The following TET3 variants were observed in gnomAD, a reference collection of about 807,000 sequenced individuals.
TET3 encodes tet methylcytosine dioxygenase 3, also known as methylcytosine dioxygenase TET3.
TET3 carries 19 observed loss-of-function variants against 141.4 expected under a neutral mutation model. The ratio of observed to expected loss-of-function variants is 0.13; its 90% CI spans 0.09 to 0.20. TET3 has a LOEUF of 0.20. TET3 is among the 10% of genes least tolerant of loss of function. The pLI is 1.00. For synonymous variants in TET3, 1,043 were observed against 980.9 expected, an observed-to-expected ratio of 1.06 and a Z score of -1.18; for missense variants, 1,874 against 2,356.9, an observed-to-expected ratio of 0.80 and a Z score of 4.24.
At chr2:73,991,923 G>GGGC (rs1327120092) in intron 2 of TET3, among the ~76,000 whole-genome samples, 2 of 152,086 alleles carry the variant, frequency 1.3e-5, no homozygotes, top group Non-Finnish European at 2.9e-5. Context: ...GTGGCTGTAT[G>GGGC]GGCTGTTCTC....
intron 3 of TET3, among the ~76,000 whole-genome samples, chr2:74,024,764 C>T (rs560170609): frequency 8.5e-5 from 13 of 152,268 alleles, no homozygotes; most frequent in African/African-American, 3.1e-4. Flanking sequence ...AAACATCACT[C>T]TTTTAAAAAA....
chr2:74,043,699 G>A (rs1024381683), intron 3 of TET3, among the ~76,000 whole-genome samples: 41 of 152,188 alleles, frequency 2.7e-4, no homozygotes, highest in African/African-American at 9.7e-4. Flanking sequence ...AGGGTCTTTT[G>A]TGGCCAGAAT....
At chr2:74,109,751 T>C (rs1691658938), downstream of TET3, among the ~76,000 whole-genome samples, 1 of 152,224 alleles carries the variant, frequency 6.6e-6, no homozygotes, top group Non-Finnish European at 1.5e-5. Context: ...TAGAGCATCA[T>C]TATTCATATT....
Position 74,102,863 on chromosome 2 carries a change from G to C in TET3, c.*687G>C, listed in dbSNP as rs1232242686. On this transcript the variant is annotated 3_prime_UTR_variant, in exon 12 of 12. Transcript: ENST00000409262. ...GGAGAGTCTGCAGAAAACCATCTGG[G>C]GTCCCTTTTCCAGTCCCCGGCTTGG... 2 of 152,190 alleles carry C rather than the reference G, an allele frequency of 1.3e-5. No individual in the cohort carries two copies. The highest frequency in any genetic ancestry group is 2.9e-5 in the Non-Finnish European group (2 of 68,068). The allele number at this position is 152,190 out of a possible 1,614,324, so 9.4% of individuals were successfully genotyped here.
the TET3 span, among the ~76,000 whole-genome samples, chr2:74,133,933 C>T: frequency 1.3e-5 from 2 of 151,978 alleles, no homozygotes; most frequent in South Asian, 2.1e-4. Flanking sequence ...TCAGTAGAGA[C>T]GGGGTTTCAC....
chr2:74,046,985 C>A lies in TET3; in HGVS notation c.1068C>A (p.Thr356=). 6.2e-7 allele frequency: 1 copy of A among 1,614,006 alleles called. No homozygotes were observed. ...AGGAAAAAAACATCAGCTTGCAGAC[C>A]GCCATTGCCATTGAGGCCCTCACAC... ...IAKEKNISLQ[T]AIAIEALTQL... The change falls in exon 4 of 12, where the codon ACC becomes ACA. Residue 356 remains threonine (T), a synonymous_variant. Transcript: ENST00000409262. This position sits in a 1 kb window ranked among gnomAD's most constrained non-coding sequence, Gnocchi z 4.3.
At chr2:73,987,982 C>T (rs1221974528) in intron 2 of TET3, among the ~76,000 whole-genome samples, 4 of 152,174 alleles carry the variant, frequency 2.6e-5, no homozygotes, top group African/African-American at 7.2e-5. Context: ...GATATTTCTG[C>T]CCCTTCTCAC....
intron 4 of TET3, among the ~76,000 whole-genome samples, chr2:74,072,704 C>T (rs1689281084): frequency 6.6e-6 from 1 of 152,170 alleles, no homozygotes; most frequent in Non-Finnish European, 1.5e-5. Flanking sequence ...TCCAAAACTT[C>T]ATCAGCCTAA....
chr2:74,091,715 T>C (rs906758352), intron 8 of TET3, among the ~76,000 whole-genome samples: 2 of 152,252 alleles, frequency 1.3e-5, no homozygotes, highest in Non-Finnish European at 2.9e-5. Flanking sequence ...TGGTTCTTTT[T>C]CTCTTTCCTC....
At chr2:74,077,377 G>A (rs955764233) in intron 5 of TET3, among the ~76,000 whole-genome samples, 1 of 152,198 alleles carries the variant, frequency 6.6e-6, no homozygotes, top group Non-Finnish European at 1.5e-5. Flanking sequence ...GATGCTGCTG[G>A]CCCTGGGACC....
chr2:74,132,898 T>C, the TET3 span, among the ~76,000 whole-genome samples: 1 of 152,020 alleles, frequency 6.6e-6, no homozygotes, highest in Non-Finnish European at 1.5e-5. Flanking sequence ...TCTTTTTTTT[T>C]GTTCTTTTTT....
At chr2:74,095,189 T>G (rs936062405) in intron 10 of TET3, among the ~76,000 whole-genome samples, 1 of 152,202 alleles carries the variant, frequency 6.6e-6, no homozygotes, top group African/African-American at 2.4e-5. Context: ...CCCTGGGGAT[T>G]GATGGACCCA....
the TET3 span, chr2:74,134,513 G>A: frequency 3.1e-6 from 1 of 324,802 alleles, no homozygotes; most frequent in African/African-American, 2.2e-5. Context: ...TCTTAGGGAG[G>A]TACCTTCAGA....
the TET3 span, among the ~76,000 whole-genome samples, chr2:74,129,342 A>AAAC: frequency 7.1e-6 from 1 of 140,990 alleles, no homozygotes. Context: ...AAAAAAAAAA[A>AAAC]AAAAACCCGG....
intron 4 of TET3, among the ~76,000 whole-genome samples, chr2:74,065,620 G>GTCCTTCCT (rs150547831): frequency 4.4e-4 from 62 of 142,524 alleles, no homozygotes; most frequent in African/African-American, 1.3e-3. Context: ...CCGTCCGTCC[G>GTCCTTCCT]TCCTTCCTTC....
At position 74,088,231 on chromosome 2, in the gene TET3, C is replaced by A. The variant is rs142494578; in HGVS notation, c.2888+193C>A. Reference sequence around the variant, plus strand: ...CTTGAGCTGGGTTCTAGCTCTGGCTCCAGAGGGTCTACTAGTTTGACTTCA... The same window carrying A: ...CTTGAGCTGGGTTCTAGCTCTGGCTACAGAGGGTCTACTAGTTTGACTTCA... On this transcript the variant is annotated intron_variant, in intron 7 of 11. Transcript: ENST00000409262. Among the ~76,000 whole-genome samples, 335 of 152,292 alleles carry A rather than the reference C, an allele frequency of 2.2e-3. 2 individuals are homozygous for A. The highest frequency in any genetic ancestry group is 7.9e-3 in the African/African-American group (329 of 41,570).
In TET3 at chr2:74,088,484, T is replaced by TA. The variant is rs532119480; in HGVS notation, c.2888+453dup. Among the ~76,000 whole-genome samples the TA allele has an allele frequency of 1.1e-3, 164 of 151,430 alleles. No homozygotes were observed. The East Asian group carries it at 0.015, about 14-fold the overall frequency. The stretch of plus-strand genomic sequence containing the variant: ...GGTGAAACCCCATCTCTACTAAAAA[T>TA]AAAAAAATTAGTCAGGCGTGGTGGC... On this transcript the variant is annotated intron_variant, in intron 7 of 11. Transcript: ENST00000409262.
chr2:74,068,092 G>A (rs74757290), intron 4 of TET3, among the ~76,000 whole-genome samples: 1,924 of 152,296 alleles, frequency 0.013, 17 homozygotes, highest in Non-Finnish European at 0.021. Context: ...GGGGTGAGGA[G>A]CCTCCATGAG....
At chr2:74,032,785 TC>T (rs1316301561) in intron 3 of TET3, among the ~76,000 whole-genome samples, 4 of 152,138 alleles carry the variant, frequency 2.6e-5, no homozygotes, top group Non-Finnish European at 5.9e-5. Context: ...TGCTCCCCCT[TC>T]ACCCCCACCT....
Sources: gnomAD v4.1 joint callset for allele counts (sites outside exome capture counted in the v4.1 genomes callset) on GRCh38, gnomAD v4.1.1 for gene constraint, Gnocchi (gnomAD v3.1) non-coding constraint, MANE v1.5 for transcripts, NCBI Gene and HGNC (gene_info 2026-07-23, HGNC 2026-07-21) for gene names.